DOCK4: variants seen among roughly 807,000 people sequenced by gnomAD.
DOCK4 encodes dedicator of cytokinesis protein 4.
A neutral mutation model predicts 268.1 loss-of-function variants in DOCK4; 97 were observed. The ratio of observed to expected loss-of-function variants is 0.36; its 90% CI spans 0.31 to 0.43. DOCK4 has a LOEUF of 0.43. Ranked by LOEUF, DOCK4 falls within the 20% of genes least tolerant of loss-of-function variation. The pLI, the probability that DOCK4 is intolerant of heterozygous loss-of-function variation, is 1.00. For missense variants in DOCK4, 2,145 were observed against 2,455.7 expected (o/e 0.87, Z 2.67); for synonymous variants, 954 against 887.2 (o/e 1.08, Z -1.34).
chr7:111,883,138 T>C (rs956378775), intron 16 of DOCK4, among the ~76,000 whole-genome samples: 4 of 152,254 alleles, frequency 2.6e-5, no homozygotes, highest in South Asian at 2.1e-4. Context: ...ACATATATGG[T>C]TTAAAGAATA....
intron 52 of DOCK4, among the ~76,000 whole-genome samples, chr7:111,729,598 C>T (rs1794923912): frequency 6.6e-6 from 1 of 152,110 alleles, no homozygotes; most frequent in Non-Finnish European, 1.5e-5. Context: ...ACACATTAGT[C>T]CTATAGTTTG....
chr7:111,822,527 G>C, intron 26 of DOCK4, 71 bp from the exon 27 acceptor site: 1 of 1,278,056 alleles, frequency 7.8e-7, no homozygotes, highest in Admixed American at 2.0e-5. Flanking sequence ...CACATACACA[G>C]GCAGTACTGT....
At chr7:111,933,816 G>A (rs1454332996) in intron 12 of DOCK4, among the ~76,000 whole-genome samples, 2 of 142,454 alleles carry the variant, frequency 1.4e-5, no homozygotes, top group Non-Finnish European at 1.6e-5. Context: ...ACTCTAAGGA[G>A]AGGGAGGAGG....
intron 32 of DOCK4, chr7:111,784,511 T>C (rs1799031900): frequency 2.1e-6 from 1 of 471,254 alleles, no homozygotes; most frequent in Non-Finnish European, 4.2e-6. Flanking sequence ...ACTCAATACA[T>C]ATTGTACTAT....
At chr7:111,750,758 T>C (rs78664117) in intron 42 of DOCK4, among the ~76,000 whole-genome samples, 2,591 of 152,268 alleles carry the variant, frequency 0.017, 34 homozygotes, top group Middle Eastern at 0.041. Context: ...ACTACTTGGA[T>C]ACTGTGAAAA....
At chr7:111,982,086 G>A (rs142324542) in intron 7 of DOCK4, among the ~76,000 whole-genome samples, 3 of 152,266 alleles carry the variant, frequency 2.0e-5, no homozygotes, top group East Asian at 3.9e-4. Context: ...AGTGTTGTGC[G>A]GAACTTCCAG....
intron 8 of DOCK4, among the ~76,000 whole-genome samples, chr7:111,969,391 G>A (rs2135049078): frequency 6.8e-6 from 1 of 146,568 alleles, no homozygotes; most frequent in African/African-American, 2.6e-5. Flanking sequence ...TATCTCCTTT[G>A]CATCTACAAA....
At chr7:111,729,875 A>C (rs1794953996) in intron 52 of DOCK4, among the ~76,000 whole-genome samples, 1 of 152,236 alleles carries the variant, frequency 6.6e-6, no homozygotes, top group Non-Finnish European at 1.5e-5. Context: ...GTAGCCTGTG[A>C]TGTGAGCTGT....
At chr7:111,752,076 G>A (rs115301382) in intron 42 of DOCK4, among the ~76,000 whole-genome samples, 1,898 of 152,216 alleles carry the variant, frequency 0.012, 50 homozygotes, top group African/African-American at 0.043. Flanking sequence ...AATATTTCAG[G>A]TTTTTAAAAA....
intron 30 of DOCK4, among the ~76,000 whole-genome samples, chr7:111,794,240 GA>G (rs1362297837): frequency 1.3e-5 from 2 of 152,194 alleles, no homozygotes; most frequent in African/African-American, 4.8e-5. Context: ...GCCAACTTAA[GA>G]TGGAAGGCAA....
intron 32 of DOCK4, among the ~76,000 whole-genome samples, chr7:111,787,373 T>C (rs1799241919): frequency 6.6e-6 from 1 of 152,142 alleles, no homozygotes; most frequent in Admixed American, 6.6e-5. Context: ...CAAGCTGCCA[T>C]AAAAGACTGA....
intron 1 of DOCK4, among the ~76,000 whole-genome samples, chr7:112,074,739 T>C (rs1481109390): frequency 1.3e-5 from 2 of 152,180 alleles, no homozygotes; most frequent in Non-Finnish European, 2.9e-5. Flanking sequence ...AGCCTCATCC[T>C]GACCCCAGCC....
intron 1 of DOCK4, among the ~76,000 whole-genome samples, chr7:112,128,851 C>T (rs952764494): frequency 1.6e-4 from 25 of 152,050 alleles, no homozygotes; most frequent in African/African-American, 5.8e-4. Flanking sequence ...ACCTTCCCTC[C>T]ACTATTGTCC....
chr7:112,002,077 T>G (rs1359160639), intron 2 of DOCK4, among the ~76,000 whole-genome samples: 1 of 152,218 alleles, frequency 6.6e-6, no homozygotes, highest in Admixed American at 6.5e-5. Flanking sequence ...AGGCAAAATT[T>G]TAATACAAAA....
intron 30 of DOCK4, among the ~76,000 whole-genome samples, chr7:111,795,767 A>G (rs1351178525): frequency 6.6e-6 from 1 of 152,156 alleles, no homozygotes; most frequent in Non-Finnish European, 1.5e-5. Flanking sequence ...GCAGACCAAT[A>G]TGGTGATAAG....
At chr7:111,946,650 C>G (rs964116968) in intron 8 of DOCK4, among the ~76,000 whole-genome samples, 8 of 152,162 alleles carry the variant, frequency 5.3e-5, no homozygotes, top group African/African-American at 1.9e-4. Context: ...GGTATGATCT[C>G]AGCTCACTGC....
chr7:111,866,171 T>C (rs1805959212), intron 22 of DOCK4, among the ~76,000 whole-genome samples: 1 of 152,240 alleles, frequency 6.6e-6, no homozygotes, highest in Non-Finnish European at 1.5e-5. Flanking sequence ...TCCATTGAAT[T>C]AGTGGTACTG....
chr7:111,822,245 CTTAA>C (rs1802041127), intron 27 of DOCK4, 113 bp downstream of exon 27: 1 of 754,312 alleles, frequency 1.3e-6, no homozygotes, highest in South Asian at 1.9e-5. Flanking sequence ...TTTTTAAAGG[CTTAA>C]TTCAGAGGCA....
At chr7:111,808,546 A>G in intron 30 of DOCK4, 1 of 312,508 alleles carries the variant, frequency 3.2e-6, no homozygotes, top group Non-Finnish European at 5.8e-6. Flanking sequence ...ATCGCTGGAA[A>G]TATGTGTAAT....
Sources: allele counts gnomAD v4.1 joint callset (sites outside exome capture counted in the v4.1 genomes callset), GRCh38; gene constraint gnomAD v4.1.1; transcripts MANE v1.5; gene names NCBI Gene and HGNC (gene_info 2026-07-23, HGNC 2026-07-21).